FLACC1: variants seen among roughly 807,000 people sequenced by gnomAD.
FLACC1 encodes the protein flagellum associated containing coiled-coil domains 1.
Under a neutral mutation model 62.8 loss-of-function variants are expected in FLACC1, and 66 were observed. That is an observed-to-expected ratio of 1.05 (90% CI 0.86 to 1.29). The LOEUF (loss-of-function observed/expected upper bound fraction) is 1.29, where lower values mean the gene tolerates loss of function less well. FLACC1 is among the 50% of genes most tolerant of loss of function. The pLI is 0.00. For synonymous variants in FLACC1, 156 were observed against 161.0 expected, an observed-to-expected ratio of 0.97 and a Z score of 0.24; for missense variants, 452 against 489.1, an observed-to-expected ratio of 0.92 and a Z score of 0.71.
chr2:201,339,622 G>T (rs1305225397), intron 7 of FLACC1, among the ~76,000 whole-genome samples: 1 of 151,854 alleles, frequency 6.6e-6, no homozygotes, highest in African/African-American at 2.4e-5. Context: ...TTTGTTTCAA[G>T]AAATTTTTTT....
rs1356783017 is a variant in FLACC1, at chr2:201,351,394, T to A, written c.11A>T (p.Asn4Ile). MYP[N>I]PLIYCTCWDP... ...CCAGCAGGTGCAGTAGATGAGAGGGTTGGGGTACATGGCCAAAGGTCAGGG... is the reference window on the plus strand; with the variant it reads ...CCAGCAGGTGCAGTAGATGAGAGGGATGGGGTACATGGCCAAAGGTCAGGG... The change falls in exon 2 of 15, where the codon AAC becomes ATC. Residue 4 changes from asparagine to isoleucine, a missense_variant. Physicochemically the swap from Asn to Ile is moderately radical, Grantham distance 149. This residue lies in a region of FLACC1 where 147 missense variants were observed against 152.7 expected (regional missense o/e 0.96). Coordinates refer to ENST00000392257, the MANE Select transcript of FLACC1 (RefSeq NM_001127391.3). The A allele has an allele frequency of 6.2e-7, 1 of 1,613,310 alleles. No homozygotes were observed. The highest frequency in any genetic ancestry group is 8.5e-7 in the Non-Finnish European group (1 of 1,179,830).
In FLACC1 at chr2:201,289,475, T is replaced by G. The variant is rs1345203840; in HGVS notation, c.1124A>C (p.Glu375Ala). Residue 375 changes from glutamate to alanine, a missense_variant, in exon 14 of 15, where the codon GAA becomes GCA. This residue lies in a region of FLACC1 where 301 missense variants were observed against 318.4 expected (regional missense o/e 0.95). Transcript: ENST00000392257. Reference sequence around the variant, plus strand: ...GCCGCACTTCAGATGAATGTTCTCTTCCGTCAGGATCTGTATGGTGTGCTT... The same window carrying G: ...GCCGCACTTCAGATGAATGTTCTCTGCCGTCAGGATCTGTATGGTGTGCTT... The part of the protein sequence containing the change: ...KYKHTIQILT[E>A]ENIHLKQKII... 20 of 1,614,086 alleles carry G rather than the reference T, an allele frequency of 1.2e-5. No individual in the cohort carries two copies. Among genetic ancestry groups the G allele is most frequent in the Middle Eastern group, 1.6e-4 (1 of 6,082 alleles).
At chr2:201,361,181 CATT>C (rs1020883736), upstream of FLACC1, among the ~76,000 whole-genome samples, 19 of 152,300 alleles carry the variant, frequency 1.2e-4, no homozygotes, top group African/African-American at 4.6e-4. Context: ...TCACTCTCAT[CATT>C]AACCACATTC....
chr2:201,334,295 C>A (rs564477890), intron 7 of FLACC1, among the ~76,000 whole-genome samples: 1 of 152,122 alleles, frequency 6.6e-6, no homozygotes, highest in Non-Finnish European at 1.5e-5. Flanking sequence ...TGTGTCCAAC[C>A]GTTCTTGCAT....
At chr2:201,348,407 C>T (rs1056904612) in intron 3 of FLACC1, 105 bp from the exon 4 acceptor site, 29 of 1,193,356 alleles carry the variant, frequency 2.4e-5, no homozygotes, top group Admixed American at 8.7e-5. Flanking sequence ...TGCTCTCTGA[C>T]CTGACCTTCT....
chr2:201,295,861 CAG>C (rs1949849572), intron 12 of FLACC1, among the ~76,000 whole-genome samples: 1 of 152,134 alleles, frequency 6.6e-6, no homozygotes, highest in African/African-American at 2.4e-5. Context: ...AGGATATGAA[CAG>C]ACACTTCTCA....
At position 201,288,524 on chromosome 2, in the gene FLACC1, T is replaced by G; in HGVS notation, c.*131A>C. The G allele has an allele frequency of 9.0e-7, 1 of 1,111,282 alleles. No homozygotes were observed. Among genetic ancestry groups the G allele is most frequent in the Non-Finnish European group, 1.3e-6 (1 of 793,332 alleles). 68.8% of individuals were successfully genotyped at this position (1,111,282 alleles called of 1,614,324 possible). A position where few individuals can be genotyped will look rare whatever the true frequency, so the allele number is the denominator to read the frequency against. On this transcript the variant is annotated 3_prime_UTR_variant, in exon 15 of 15. Transcript: ENST00000392257. The stretch of plus-strand genomic sequence containing the variant: ...ATGCGAATTCAAACATTTTCAGACA[T>G]TCAGAGAGTCAGAGCAACCCAAGAA...
chr2:201,318,753 A>C (rs1950347834), intron 9 of FLACC1, among the ~76,000 whole-genome samples: 1 of 152,128 alleles, frequency 6.6e-6, no homozygotes, highest in Non-Finnish European at 1.5e-5. Flanking sequence ...ATATGATAGA[A>C]TACTACTCAG....
intron 9 of FLACC1, among the ~76,000 whole-genome samples, chr2:201,324,841 G>C (rs1298876539): frequency 6.6e-6 from 1 of 152,162 alleles, no homozygotes; most frequent in Non-Finnish European, 1.5e-5. Context: ...CAAAACCTCT[G>C]GGATAGGTGG....
At chr2:201,357,870 T>C (rs1951144013), upstream of FLACC1, among the ~76,000 whole-genome samples, 1 of 152,204 alleles carries the variant, frequency 6.6e-6, no homozygotes, top group African/African-American at 2.4e-5. Context: ...TACAACCCAG[T>C]GGCTTTCATT....
At chr2:201,299,841 C>A (rs1394793066) in intron 11 of FLACC1, among the ~76,000 whole-genome samples, 1 of 152,198 alleles carries the variant, frequency 6.6e-6, no homozygotes, top group Admixed American at 6.5e-5. Flanking sequence ...AGAGTCCTAA[C>A]ACCCCAAATA....
intron 12 of FLACC1, among the ~76,000 whole-genome samples, chr2:201,296,274 A>T (rs1008783385): frequency 2.4e-4 from 36 of 152,236 alleles, no homozygotes; most frequent in African/African-American, 8.4e-4. Flanking sequence ...AATGTCGAAC[A>T]ATGATAGACT....
chr2:201,314,474 C>A (rs1337368390), intron 9 of FLACC1, among the ~76,000 whole-genome samples: 1 of 152,068 alleles, frequency 6.6e-6, no homozygotes, highest in Non-Finnish European at 1.5e-5. Flanking sequence ...TGAATTAACC[C>A]AATCCAACAA....
intron 1 of FLACC1, chr2:201,351,794 A>G (rs1203628013): frequency 5.5e-6 from 1 of 181,136 alleles, no homozygotes; most frequent in Non-Finnish European, 1.2e-5. Context: ...AAATACAAAA[A>G]TTAGCTGGGC....
At chr2:201,357,489 C>T (rs1347549263), upstream of FLACC1, 1 of 152,240 alleles carries the variant, frequency 6.6e-6, no homozygotes, top group Admixed American at 6.5e-5. Flanking sequence ...CTCCAAGACA[C>T]AAATCAGTGA....
chr2:201,346,745 A>G lies in FLACC1; in HGVS notation c.235-70T>C. On this transcript the variant is annotated intron_variant, in intron 4 of 14. Coordinates refer to ENST00000392257, the MANE Select transcript of FLACC1 (RefSeq NM_001127391.3). The surrounding 1 kb of genome is among the most constrained non-coding windows in gnomAD (Gnocchi z 4.0). ...CTGAGATTTTTCCAAATCTTCTCTT[A>G]TTGCCTCACTCACATCTTAAAAACA... is the stretch of plus-strand genomic sequence containing the variant. 6.3e-7 allele frequency: 1 copy of G among 1,587,880 alleles called. No individual in the cohort carries two copies. The highest frequency in any genetic ancestry group is 8.6e-7 in the Non-Finnish European group (1 of 1,163,096).
chr2:201,310,332 T>C (rs1437916258), intron 9 of FLACC1, among the ~76,000 whole-genome samples: 1 of 152,124 alleles, frequency 6.6e-6, no homozygotes, highest in Non-Finnish European at 1.5e-5. Flanking sequence ...AAATAGAACT[T>C]TAGAGGTGGT....
rs139728642 is a variant in FLACC1, at chr2:201,327,465, G to GAA, written c.675+3003_675+3004dup. ...ACAAGGAATTCAAACAAATCAGCAAGAAAAAAACAAATAATCCCATTAAAA... is the reference window on the plus strand; with the variant it reads ...ACAAGGAATTCAAACAAATCAGCAAGAAAAAAAAACAAATAATCCCATTAAAA... On this transcript the variant is annotated intron_variant, in intron 9 of 14. Coordinates refer to ENST00000392257, the MANE Select transcript of FLACC1 (RefSeq NM_001127391.3). Among the ~76,000 whole-genome samples the GAA allele has an allele frequency of 1.4e-3, 212 of 151,718 alleles. 1 individual carries two copies. The highest frequency in any genetic ancestry group is 4.9e-3 in the African/African-American group (202 of 41,364).
intron 4 of FLACC1, among the ~76,000 whole-genome samples, chr2:201,347,360 T>C (rs1471107797): frequency 1.3e-5 from 2 of 152,192 alleles, no homozygotes; most frequent in African/African-American, 4.8e-5. Context: ...CACCCCTGCC[T>C]GACGGCCCCA....
Sources: allele counts gnomAD v4.1 joint callset (sites outside exome capture counted in the v4.1 genomes callset), GRCh38; gene constraint gnomAD v4.1.1; regional missense constraint gnomAD v4.1.1; non-coding constraint Gnocchi (gnomAD v3.1); transcripts MANE v1.5; gene names NCBI Gene and HGNC (gene_info 2026-07-23, HGNC 2026-07-21).